Variants in TAOK3 observed in about 807,000 individuals in gnomAD.
The protein encoded by TAOK3 is TAO kinase 3.
Under a neutral mutation model 120.4 loss-of-function variants are expected in TAOK3, and 40 were observed. The observed-to-expected ratio is 0.33, with a 90% confidence interval of 0.26 to 0.43. TAOK3 has a LOEUF of 0.43. Ranked by LOEUF, TAOK3 falls within the 20% of genes least tolerant of loss-of-function variation. The pLI is 1.00. For missense variants in TAOK3, 821 were observed against 1,112.1 expected (o/e 0.74, Z 3.72); for synonymous variants, 355 against 387.5 (o/e 0.92, Z 0.99).
chr12:118,218,524 G>A (rs1392016180), intron 9 of TAOK3, among the ~76,000 whole-genome samples: 1 of 152,042 alleles, frequency 6.6e-6, no homozygotes, highest in Non-Finnish European at 1.5e-5. Flanking sequence ...CTAGTGTAAT[G>A]TAAATGTTAT....
intron 14 of TAOK3, among the ~76,000 whole-genome samples, chr12:118,182,597 G>GTATATATATATATATATATATATA (rs1291003929): frequency 2.6e-5 from 2 of 77,512 alleles, no homozygotes; most frequent in African/African-American, 9.2e-5. Flanking sequence ...GTGTGTGTGT[G>GTATATATATATATATATATATATA]TGTATATATA....
At chr12:118,233,978 T>C (rs1231652550) in intron 8 of TAOK3, among the ~76,000 whole-genome samples, 1 of 152,152 alleles carries the variant, frequency 6.6e-6, no homozygotes, top group African/African-American at 2.4e-5. Flanking sequence ...CAATAAAGAC[T>C]GGCTCCACCC....
At chr12:118,260,724 A>G (rs1010573170) in intron 2 of TAOK3, among the ~76,000 whole-genome samples, 6 of 152,214 alleles carry the variant, frequency 3.9e-5, no homozygotes, top group South Asian at 2.1e-4. Flanking sequence ...TCTGTTGCCC[A>G]GGCTAGAGTG....
At chr12:118,262,753 G>C (rs2041286130) in intron 2 of TAOK3, among the ~76,000 whole-genome samples, 1 of 151,086 alleles carries the variant, frequency 6.6e-6, no homozygotes, top group African/African-American at 2.4e-5. Flanking sequence ...CTTGAAACCG[G>C]GAGGCAGAGG....
At chr12:118,357,626 G>C (rs1416088411) in intron 1 of TAOK3, among the ~76,000 whole-genome samples, 1 of 152,150 alleles carries the variant, frequency 6.6e-6, no homozygotes, top group Non-Finnish European at 1.5e-5. Context: ...CCTTCAACGA[G>C]TGTCATTTTG....
At chr12:118,317,790 G>T (rs958187440) in intron 1 of TAOK3, among the ~76,000 whole-genome samples, 1 of 151,956 alleles carries the variant, frequency 6.6e-6, no homozygotes, top group Non-Finnish European at 1.5e-5. Flanking sequence ...AAAGGACCCA[G>T]AATAGCAAAA....
intron 11 of TAOK3, among the ~76,000 whole-genome samples, chr12:118,202,161 A>G (rs2038056371): frequency 6.7e-6 from 1 of 148,754 alleles, no homozygotes; most frequent in African/African-American, 2.4e-5. Context: ...TTATAAATAA[A>G]CAAATATATA....
intron 11 of TAOK3, among the ~76,000 whole-genome samples, chr12:118,202,952 G>A (rs985850179): frequency 6.6e-6 from 1 of 151,558 alleles, no homozygotes; most frequent in African/African-American, 2.4e-5. Flanking sequence ...GCTAATTTTT[G>A]TATTTTTAGT....
chr12:118,257,998 T>C (rs2041061900), intron 2 of TAOK3, among the ~76,000 whole-genome samples: 1 of 152,088 alleles, frequency 6.6e-6, no homozygotes. Flanking sequence ...ACTGATTGGA[T>C]CATGAGGGGA....
At chr12:118,288,865 G>A (rs200553639) in intron 1 of TAOK3, among the ~76,000 whole-genome samples, 15 of 142,472 alleles carry the variant, frequency 1.1e-4, no homozygotes, top group African/African-American at 3.7e-4. Context: ...GCAGTGAGCC[G>A]AGATTACACC....
At chr12:118,237,298 A>G (rs1458074848) in intron 7 of TAOK3, among the ~76,000 whole-genome samples, 1 of 152,136 alleles carries the variant, frequency 6.6e-6, no homozygotes, top group Non-Finnish European at 1.5e-5. Context: ...TTCATTTGTG[A>G]GCCATCTCAG....
chr12:118,214,746 CTTTTT>C (rs138948268), intron 9 of TAOK3, among the ~76,000 whole-genome samples: 2 of 133,798 alleles, frequency 1.5e-5, no homozygotes, highest in Non-Finnish European at 3.2e-5. Context: ...TTCTTTCTTT[CTTTTT>C]TTTTTTTTTT....
intron 3 of TAOK3, among the ~76,000 whole-genome samples, chr12:118,247,180 T>A (rs1019847848): frequency 2.0e-5 from 3 of 152,164 alleles, no homozygotes; most frequent in African/African-American, 7.2e-5. Context: ...ATTTTAATAG[T>A]TAACGTGCCT....
chr12:118,306,454 A>G (rs1358743263), intron 1 of TAOK3, among the ~76,000 whole-genome samples: 2 of 152,190 alleles, frequency 1.3e-5, no homozygotes, highest in African/African-American at 4.8e-5. Context: ...CTGGGATTAC[A>G]GGGGTGAGCC....
chr12:118,348,326 G>A (rs926215198), intron 1 of TAOK3, among the ~76,000 whole-genome samples: 2 of 152,198 alleles, frequency 1.3e-5, no homozygotes, highest in African/African-American at 4.8e-5. Context: ...ATTCTTATTC[G>A]CTTTCCATAG....
chr12:118,334,786 G>A (rs1398096560), intron 1 of TAOK3, among the ~76,000 whole-genome samples: 1 of 151,664 alleles, frequency 6.6e-6, no homozygotes, highest in African/African-American at 2.4e-5. Context: ...TGAGGCGGGA[G>A]AATCACTTGA....
In TAOK3 at chr12:118,181,619, T is replaced by C. The variant is rs372124861; in HGVS notation, c.1330-12A>G. 27 of 1,612,144 alleles carry C rather than the reference T, an allele frequency of 1.7e-5. No homozygotes were observed. In the African/African-American group the frequency reaches 3.5e-4, roughly 21 times the overall value. On this transcript the variant is annotated splice_polypyrimidine_tract_variant and intron_variant, in intron 14 of 20. Coordinates refer to ENST00000392533, the MANE Select transcript of TAOK3 (RefSeq NM_016281.4). Reference sequence around the variant, plus strand: ...ATCTGTCGTGTAACCTGAATTGGGTTAGGAAACAGAACTCAGGTAACCAGG... The same window carrying C: ...ATCTGTCGTGTAACCTGAATTGGGTCAGGAAACAGAACTCAGGTAACCAGG...
At chr12:118,201,611 T>A in intron 11 of TAOK3, 148 bp from the exon 12 acceptor site, 1 of 732,352 alleles carries the variant, frequency 1.4e-6, no homozygotes, top group Non-Finnish European at 2.0e-6. Flanking sequence ...CATGTGTCCT[T>A]CCATATTTTG....
At chr12:118,229,930 TAAAA>T (rs1026821593) in intron 9 of TAOK3, among the ~76,000 whole-genome samples, 1 of 150,962 alleles carries the variant, frequency 6.6e-6, no homozygotes, top group African/African-American at 2.4e-5. Flanking sequence ...GACTCTGTCT[TAAAA>T]AAAAATAATA....
Sources: allele counts gnomAD v4.1 joint callset (sites outside exome capture counted in the v4.1 genomes callset), GRCh38; gene constraint gnomAD v4.1.1; transcripts MANE v1.5; gene names NCBI Gene and HGNC (gene_info 2026-07-23, HGNC 2026-07-21).